RB1CC1: variants seen among roughly 807,000 people sequenced by gnomAD.
RB1CC1 encodes the protein RB1 inducible coiled-coil 1.
A neutral mutation model predicts 177.5 loss-of-function variants in RB1CC1; 46 were observed. The observed-to-expected ratio is 0.26, with a 90% confidence interval of 0.20 to 0.33. The LOEUF (loss-of-function observed/expected upper bound fraction) is 0.33, where lower values mean the gene tolerates loss of function less well. RB1CC1 is among the 10% of genes least tolerant of loss of function. RB1CC1 has a pLI of 1.00. For synonymous variants in RB1CC1, 666 were observed against 613.6 expected, an observed-to-expected ratio of 1.09 and a Z score of -1.26; for missense variants, 1,703 against 1,816.3, an observed-to-expected ratio of 0.94 and a Z score of 1.13.
chr8:52,626,358 C>A (rs938893499), intron 22 of RB1CC1, among the ~76,000 whole-genome samples: 26 of 152,180 alleles, frequency 1.7e-4, no homozygotes, highest in African/African-American at 5.5e-4. Context: ...TAATGTTTCC[C>A]AGATTTAAAC....
intron 7 of RB1CC1, among the ~76,000 whole-genome samples, chr8:52,672,166 G>T (rs1852663687): frequency 6.6e-6 from 1 of 152,010 alleles, no homozygotes; most frequent in African/African-American, 2.4e-5. Context: ...TCATTATTTA[G>T]AGATAGAGTC....
At chr8:52,692,612 T>C (rs1462118840) in intron 1 of RB1CC1, among the ~76,000 whole-genome samples, 1 of 152,164 alleles carries the variant, frequency 6.6e-6, no homozygotes, top group South Asian at 2.1e-4. Flanking sequence ...TTAAAATCCA[T>C]AGCTGGATCA....
At chr8:52,639,639 C>A (rs1408419891) in intron 18 of RB1CC1, among the ~76,000 whole-genome samples, 1 of 152,162 alleles carries the variant, frequency 6.6e-6, no homozygotes, top group East Asian at 1.9e-4. Flanking sequence ...CCCATCTACT[C>A]CTAGTTTGCT....
At chr8:52,645,341 G>A (rs1308927269) in intron 16 of RB1CC1, among the ~76,000 whole-genome samples, 1 of 152,084 alleles carries the variant, frequency 6.6e-6, no homozygotes, top group African/African-American at 2.4e-5. Context: ...TCATTTCATA[G>A]AAAACTAATC....
chr8:52,705,904 T>C (rs1360884077), intron 1 of RB1CC1, among the ~76,000 whole-genome samples: 6 of 152,202 alleles, frequency 3.9e-5, no homozygotes, highest in Non-Finnish European at 8.8e-5. Context: ...AATGTTTTGA[T>C]CTATACGTAT....
chr8:52,645,585 T>G (rs1424261680), intron 16 of RB1CC1, 117 bp downstream of exon 16: 8 of 1,075,688 alleles, frequency 7.4e-6, no homozygotes, highest in Non-Finnish European at 1.0e-5. Context: ...ACAGGATCAA[T>G]GTAAGGAACA....
At chr8:52,642,939 G>A (rs547090191) in intron 16 of RB1CC1, 127 bp from the exon 17 acceptor site, 1 of 1,070,780 alleles carries the variant, frequency 9.3e-7, no homozygotes, top group East Asian at 3.0e-5. Context: ...TATGATTCAT[G>A]AAATGTTTTA....
chr8:52,676,005 C>A (rs192684536), intron 6 of RB1CC1, among the ~76,000 whole-genome samples: 4 of 152,032 alleles, frequency 2.6e-5, no homozygotes, highest in Admixed American at 2.6e-4. Context: ...CCTCCATTGT[C>A]CAGTGTTTGA....
At chr8:52,679,569 T>C (rs1853500993) in intron 5 of RB1CC1, among the ~76,000 whole-genome samples, 1 of 152,128 alleles carries the variant, frequency 6.6e-6, no homozygotes, top group African/African-American at 2.4e-5. Context: ...ATGTCTCATG[T>C]CTCCCTAAAA....
chr8:52,657,656 C>T lies in RB1CC1; in HGVS notation c.2173G>A (p.Ala725Thr), dbSNP rs142787814. 38 of 1,613,986 alleles carry T rather than the reference C, an allele frequency of 2.4e-5. No homozygotes were observed. The highest frequency in any genetic ancestry group is 3.1e-5 in the Non-Finnish European group (37 of 1,180,020). ...HQVSLDLDSL[A>T]ESPESDFMSA... ...ATAAAATCTGATTCAGGACTTTCTG[C>T]TAATGAATCCAAGTCTAAAGAAACT... Residue 725 changes from alanine (A) to threonine (T), a missense_variant, in exon 15 of 24, where the codon GCA (alanine) becomes ACA (threonine). Ala to Thr is a moderately conservative substitution (Grantham distance 58). This residue lies in a region of RB1CC1 where 1,169 missense variants were observed against 1,184.7 expected (regional missense o/e 0.99). Coordinates refer to ENST00000025008, the MANE Select transcript of RB1CC1 (RefSeq NM_014781.5).
chr8:52,660,567 T>G, intron 12 of RB1CC1, 29 bp downstream of exon 12: 1 of 1,542,390 alleles, frequency 6.5e-7, no homozygotes, highest in Non-Finnish European at 8.8e-7. Flanking sequence ...CATATGGAAT[T>G]TAGTCATGGT....
chr8:52,712,587 A>C (rs1474432999), intron 1 of RB1CC1, among the ~76,000 whole-genome samples: 2 of 152,112 alleles, frequency 1.3e-5, no homozygotes, highest in African/African-American at 4.8e-5. Flanking sequence ...GATTAGGTAC[A>C]TAAATAATCA....
At chr8:52,661,414 C>T (rs1017922746) in intron 9 of RB1CC1, 121 bp downstream of exon 9, 4 of 1,445,446 alleles carry the variant, frequency 2.8e-6, no homozygotes, top group Non-Finnish European at 2.8e-6. Context: ...AGTCTAATTC[C>T]AAAGTTCATC....
Position 52,714,077 on chromosome 8 carries a change from G to T in RB1CC1, c.-169C>A. 1 of 354,546 alleles carries T rather than the reference G, an allele frequency of 2.8e-6. No individual in the cohort carries two copies. Among genetic ancestry groups the T allele is most frequent in the Admixed American group, 3.5e-5 (1 of 28,442 alleles). 22.0% of individuals were successfully genotyped at this position (354,546 alleles called of 1,614,324 possible). Reference sequence around the variant, plus strand: ...ACGCGGGCGGCGGCGACACTTACCCGGCAACGCCTCCTCCTTCGCCGGCGG... The same window carrying T: ...ACGCGGGCGGCGGCGACACTTACCCTGCAACGCCTCCTCCTTCGCCGGCGG... On this transcript the variant is annotated splice_region_variant and 5_prime_UTR_variant, in exon 1 of 24. Coordinates refer to ENST00000025008, the MANE Select transcript of RB1CC1 (RefSeq NM_014781.5).
intron 8 of RB1CC1, among the ~76,000 whole-genome samples, chr8:52,662,302 A>AT (rs1851702107): frequency 1.3e-5 from 2 of 151,810 alleles, no homozygotes; most frequent in Non-Finnish European, 1.5e-5. Context: ...GTAGAAAAAC[A>AT]TTTTTTCTGT....
chr8:52,624,699 A>C lies in RB1CC1; in HGVS notation c.4707+18T>G. 6.4e-7 allele frequency: 1 copy of C among 1,552,770 alleles called. No individual in the cohort carries two copies. Among genetic ancestry groups the C allele is most frequent in the Non-Finnish European group, 8.9e-7 (1 of 1,126,212 alleles). On this transcript the variant is annotated intron_variant, in intron 23 of 23. Transcript: ENST00000025008. ...CTTTACAGTTCCCAGGCTTAGTATC[A>C]CATGATGTCGTTTTTACCTTTTTGG...
chr8:52,628,953 T>C (rs895965620), intron 21 of RB1CC1, among the ~76,000 whole-genome samples: 2 of 152,208 alleles, frequency 1.3e-5, no homozygotes, highest in African/African-American at 4.8e-5. Flanking sequence ...AACAACCATG[T>C]GGCAGGCACT....
At chr8:52,688,143 T>C (rs1854451814) in intron 1 of RB1CC1, among the ~76,000 whole-genome samples, 2 of 152,174 alleles carry the variant, frequency 1.3e-5, no homozygotes, top group South Asian at 4.1e-4. Context: ...GTAAAACATG[T>C]GTGTTTGAAC....
At chr8:52,679,305 T>C (rs1365429634) in intron 5 of RB1CC1, among the ~76,000 whole-genome samples, 1 of 152,224 alleles carries the variant, frequency 6.6e-6, no homozygotes, top group Non-Finnish European at 1.5e-5. Flanking sequence ...ACAGTTCTGC[T>C]GAATTTCACC....
Sources: gnomAD v4.1 joint callset for allele counts (sites outside exome capture counted in the v4.1 genomes callset) on GRCh38, gnomAD v4.1.1 for gene constraint, gnomAD v4.1.1 regional missense constraint, MANE v1.5 for transcripts, NCBI Gene and HGNC (gene_info 2026-07-23, HGNC 2026-07-21) for gene names.